Variants in SETD1A observed in about 807,000 individuals in gnomAD.
SETD1A encodes the protein SET domain containing 1A, histone lysine methyltransferase, also known as histone-lysine N-methyltransferase SETD1A.
Under a neutral mutation model 149.9 loss-of-function variants are expected in SETD1A, and 29 were observed. The observed-to-expected ratio is 0.19, with a 90% confidence interval of 0.14 to 0.26. The LOEUF (loss-of-function observed/expected upper bound fraction) is 0.26. Among genes scored for constraint, SETD1A ranks in the 10% least tolerant of loss-of-function variants. The pLI is 1.00. For synonymous variants in SETD1A, 1,141 were observed against 968.5 expected, an observed-to-expected ratio of 1.18 and a Z score of -3.31; for missense variants, 2,109 against 2,353.1, an observed-to-expected ratio of 0.90 and a Z score of 2.15.
At position 30,970,764 on chromosome 16, in the gene SETD1A, C is replaced by G. The variant is rs563950411; in HGVS notation, c.3017-614C>G. On this transcript the variant is annotated intron_variant, in intron 12 of 18. Transcript: ENST00000262519. ...CAGGCCAACACCATGGGCCGTTTAT[C>G]TCCTGGCCCTGCTCTGTTCAGCTCC... 3.3e-5 allele frequency among the ~76,000 whole-genome samples: 5 copies of G among 152,328 alleles called. No individual in the cohort carries two copies. In the South Asian group the frequency reaches 1.0e-3, roughly 32 times the overall value.
intron 13 of SETD1A, among the ~76,000 whole-genome samples, chr16:30,972,403 AAGGC>A (rs1555490501): frequency 1.3e-3 from 194 of 152,130 alleles, no homozygotes; most frequent in Admixed American, 2.4e-3. Flanking sequence ...TTGGGAGGCC[AAGGC>A]GGGTGGATCA....
intron 12 of SETD1A, among the ~76,000 whole-genome samples, chr16:30,970,995 C>T (rs1245684966): frequency 6.6e-6 from 1 of 152,216 alleles, no homozygotes; most frequent in Non-Finnish European, 1.5e-5. Context: ...AGACTGGGTC[C>T]TGAGACCCAC....
At chr16:30,969,128 A>C (rs1193883591) in intron 10 of SETD1A, among the ~76,000 whole-genome samples, 177 bp from the exon 11 acceptor site, 21 of 152,078 alleles carry the variant, frequency 1.4e-4, no homozygotes. Flanking sequence ...ACAAATACAA[A>C]ACTATGAAAC....
rs770057555 is a variant in SETD1A at position 30,971,688 on chromosome 16, C to T, written c.3327C>T (p.Pro1109=). 8.4e-5 allele frequency: 133 copies of T among 1,589,136 alleles called. No homozygotes were observed. Among genetic ancestry groups the T allele is most frequent in the Non-Finnish European group, 1.0e-4 (118 of 1,164,586 alleles). The change falls in exon 13 of 19, where the codon CCC becomes CCT. Residue 1109 remains proline, a synonymous_variant. Transcript: ENST00000262519. The part of the protein sequence containing the change: ...RVAGSPVTPL[P]EQEASPARPA... ...CAGGCTCCCCAGTCACACCCCTGCCCGAACAGGAGGCGTCTCCAGCAAGGC... is the reference window on the plus strand; with the variant it reads ...CAGGCTCCCCAGTCACACCCCTGCCTGAACAGGAGGCGTCTCCAGCAAGGC...
Position 30,979,736 on chromosome 16 carries a change from C to T in SETD1A, c.3950C>T (p.Pro1317Leu). ...KPTPPAPALR[P>L]PEPVPAPAAL... The stretch of plus-strand genomic sequence containing the variant: ...ACGCCCCCTGCGCCAGCCCTGCGGC[C>T]CCCGGAGCCAGTGCCCGCACCCGCC... Residue 1317 changes from proline to leucine, a missense_variant, in exon 14 of 19, where the codon CCC becomes CTC. Physicochemically the swap from Pro to Leu is moderately conservative, Grantham distance 98 (BLOSUM62 -3). Around this residue, in one of 8 missense-constraint regions of SETD1A, gnomAD observed 832 missense variants for 815.6 expected, o/e 1.02. Coordinates refer to ENST00000262519, the MANE Select transcript of SETD1A (RefSeq NM_014712.3). 2 of 1,599,400 alleles carry T rather than the reference C, an allele frequency of 1.3e-6. No homozygotes were observed. The highest frequency in any genetic ancestry group is 1.7e-6 in the Non-Finnish European group (2 of 1,178,508).
chr16:30,974,493 C>A (rs2056261227), intron 13 of SETD1A, among the ~76,000 whole-genome samples: 1 of 152,086 alleles, frequency 6.6e-6, no homozygotes, highest in Admixed American at 6.6e-5. Context: ...AGAAGGGAAG[C>A]AGGTAGTGGA....
chr16:30,969,579 C>A, intron 11 of SETD1A, 23 bp from the exon 12 acceptor site: 1 of 1,610,562 alleles, frequency 6.2e-7, no homozygotes, highest in Non-Finnish European at 8.5e-7. Flanking sequence ...TCCTGTTAGT[C>A]CTCATTTGTC....
At position 30,959,039 on chromosome 16, in the gene SETD1A, C is replaced by T; in HGVS notation, c.151-52C>T. 4.0e-6 allele frequency: 6 copies of T among 1,494,950 alleles called. No homozygotes were observed. The Admixed American group carries it at 8.4e-5, about 21-fold the overall frequency. The allele number at this position is 1,494,950 out of a possible 1,614,324, so 92.6% of individuals were successfully genotyped here. ...TGTCCAGATGGGCTGCTTGGAGCTC[C>T]CTAGCCTGGATTCACCCTGAGCTCT... On this transcript the variant is annotated intron_variant, in intron 2 of 18. Coordinates refer to ENST00000262519, the MANE Select transcript of SETD1A (RefSeq NM_014712.3).
Position 30,965,830 on chromosome 16 carries a change from C to T in SETD1A, c.1949C>T (p.Pro650Leu), listed in dbSNP as rs1051816095. The T allele has an allele frequency of 3.1e-6, 5 of 1,604,880 alleles. No homozygotes were observed. The highest frequency in any genetic ancestry group is 4.5e-5 in the East Asian group (2 of 44,752). Residue 650 changes from proline (P) to leucine (L), a missense_variant, in exon 8 of 19, where the codon CCT becomes CTT. Coordinates refer to ENST00000262519, the MANE Select transcript of SETD1A (RefSeq NM_014712.3). ...CCGCCCCCTGAGTACCCCCCACCTC[C>T]TCCACCACCCCCGCACATCTATGAC... is the stretch of plus-strand genomic sequence containing the variant. ...GPPPPEYPPPPPPPPHIYDFV... is the reference protein window; with the variant it reads ...GPPPPEYPPPLPPPPHIYDFV...
intron 13 of SETD1A, among the ~76,000 whole-genome samples, chr16:30,973,699 T>G (rs1225796781): frequency 2.0e-5 from 3 of 152,106 alleles, no homozygotes; most frequent in African/African-American, 7.2e-5. Context: ...TCCCGGGGTC[T>G]CCCAGTTGCA....
chr16:30,979,387 C>T lies in SETD1A; in HGVS notation c.3601C>T (p.Arg1201Trp), dbSNP rs774166831. Residue 1201 changes from arginine (R) to tryptophan (W), a missense_variant, in exon 14 of 19, where the codon CGG becomes TGG. Transcript: ENST00000262519. The stretch of plus-strand genomic sequence containing the variant: ...CGGCCCAGCCTCCCGCAAGGCTCCC[C>T]GGGGCGTGGAGCGGACCATCCGCAA... ...FPGPASRKAP[R>W]GVERTIRNLP... 23 of 1,612,022 alleles carry T rather than the reference C, an allele frequency of 1.4e-5. 1 individual carries two copies. The highest frequency in any genetic ancestry group is 8.9e-5 in the East Asian group (4 of 44,834).
chr16:30,976,591 A>G (rs2056287330), intron 13 of SETD1A, among the ~76,000 whole-genome samples: 1 of 152,038 alleles, frequency 6.6e-6, no homozygotes, highest in African/African-American at 2.4e-5. Context: ...TGCTAGAGGG[A>G]AACTGAAGGA....
At position 30,979,991 on chromosome 16, in the gene SETD1A, G is replaced by GCC; in HGVS notation, c.4207_4208dup (p.Pro1404LeufsTer22). The GCC allele has an allele frequency of 2.3e-6, 3 of 1,279,658 alleles. No homozygotes were observed. Among genetic ancestry groups the GCC allele is most frequent in the Non-Finnish European group, 3.1e-6 (3 of 969,372 alleles). 79.3% of individuals were successfully genotyped at this position (1,279,658 alleles called of 1,614,324 possible). ...CTCCGCTCCCACGCCCGGCGCCGCC[G>GCC]CCCTCCGCCCCCACCCCCGCCGCCA... On this transcript the variant is annotated frameshift_variant, in exon 14 of 19. Coordinates refer to ENST00000262519, the MANE Select transcript of SETD1A (RefSeq NM_014712.3). LOFTEE classifies it high-confidence loss of function.
chr16:30,983,606 TC>T lies in SETD1A; in HGVS notation c.4813-26del. On this transcript the variant is annotated intron_variant, in intron 17 of 18. Coordinates refer to ENST00000262519, the MANE Select transcript of SETD1A (RefSeq NM_014712.3). The surrounding 1 kb of genome is among the most constrained non-coding windows in gnomAD (Gnocchi z 6.8). The stretch of plus-strand genomic sequence containing the variant: ...TCAGGGGCAGGAAGTGGGGGACTCT[TC>T]CCTGACCATCGCATCTCACCCTGGC... 3.7e-6 allele frequency: 6 copies of T among 1,603,878 alleles called. No homozygotes were observed. The highest frequency in any genetic ancestry group is 5.1e-6 in the Non-Finnish European group (6 of 1,176,824).
intron 3 of SETD1A, among the ~76,000 whole-genome samples, chr16:30,960,330 C>T (rs2143458134): frequency 6.6e-6 from 1 of 152,340 alleles, no homozygotes; most frequent in South Asian, 2.1e-4. Context: ...CCCTGTGTTA[C>T]ATCCACACCA....
In SETD1A at chr16:30,983,823, A is replaced by G. The variant is rs2143607867; in HGVS notation, c.4951-27A>G. The G allele has an allele frequency of 6.2e-7, 1 of 1,610,792 alleles. No individual in the cohort carries two copies. ...GAGTTGGGGGTCGGTGGGGGTGGCC[A>G]CGGCTCACACGCCCTTCCATCCGCA... On this transcript the variant is annotated intron_variant, in intron 18 of 18. Transcript: ENST00000262519. The surrounding 1 kb of genome is among the most constrained non-coding windows in gnomAD (Gnocchi z 6.8).
intron 6 of SETD1A, 53 bp from the exon 7 acceptor site, chr16:30,964,559 G>C (rs1347092004): frequency 5.7e-6 from 9 of 1,579,038 alleles, no homozygotes; most frequent in Non-Finnish European, 6.9e-6. Flanking sequence ...CCAGTACGCT[G>C]TGGTTTGGTC....
Position 30,980,668 on chromosome 16 carries a change from C to T in SETD1A, c.4581+11C>T, listed in dbSNP as rs1162307999. ...GGCGTGGACACTCAGGTGGGCCTAA[C>T]CCCGCCGCCGCGTCCTCCTGCCACT... is the stretch of plus-strand genomic sequence containing the variant. On this transcript the variant is annotated intron_variant, in intron 15 of 18. Coordinates refer to ENST00000262519, the MANE Select transcript of SETD1A (RefSeq NM_014712.3). This position sits in a 1 kb window ranked among gnomAD's most constrained non-coding sequence, Gnocchi z 7.7. 3.0e-5 allele frequency: 48 copies of T among 1,610,700 alleles called. No individual in the cohort carries two copies. Among genetic ancestry groups the T allele is most frequent in the Middle Eastern group, 3.3e-4 (2 of 6,076 alleles).
chr16:30,971,772 G>A lies in SETD1A; in HGVS notation c.3358+53G>A, dbSNP rs534830223. 1.7e-4 allele frequency: 260 copies of A among 1,496,164 alleles called. 1 individual carries two copies. In the African/African-American group the frequency reaches 3.1e-3, roughly 18 times the overall value. 92.7% of individuals were successfully genotyped at this position (1,496,164 alleles called of 1,614,324 possible). A position where few individuals can be genotyped will look rare whatever the true frequency, so the allele number is the denominator to read the frequency against. On this transcript the variant is annotated intron_variant, in intron 13 of 18. Coordinates refer to ENST00000262519, the MANE Select transcript of SETD1A (RefSeq NM_014712.3). The stretch of plus-strand genomic sequence containing the variant: ...TCGCTGTGTGTGTGAGAGAGAGAGA[G>A]AAAACAGTGGTGCTTGCATTTATTG...
Sources: allele counts gnomAD v4.1 joint callset (sites outside exome capture counted in the v4.1 genomes callset), GRCh38; gene constraint gnomAD v4.1.1; regional missense constraint gnomAD v4.1.1; non-coding constraint Gnocchi (gnomAD v3.1); transcripts MANE v1.5; gene names NCBI Gene and HGNC (gene_info 2026-07-23, HGNC 2026-07-21).